Variants in AP3S1 observed in about 807,000 individuals in gnomAD.
AP3S1 encodes adaptor related protein complex 3 subunit sigma 1.
In AP3S1, 12 loss-of-function variants were observed where a neutral mutation model predicts 21.3. The observed-to-expected ratio is 0.56, with a 90% CI of 0.36 to 0.91. AP3S1 has a LOEUF of 0.91. AP3S1 is among the 40% of genes least tolerant of loss of function. The pLI is 0.01. For synonymous variants in AP3S1, 48 were observed against 78.4 expected, an observed-to-expected ratio of 0.61 and a Z score of 2.05; for missense variants, 116 against 225.0, an observed-to-expected ratio of 0.52 and a Z score of 3.10.
intron 1 of AP3S1, among the ~76,000 whole-genome samples, chr5:115,863,395 G>A (rs1016696674): frequency 4.8e-5 from 7 of 146,536 alleles, no homozygotes; most frequent in Non-Finnish European, 1.0e-4. Context: ...AAACTATCTC[G>A]AAAAAAAATA....
intron 3 of AP3S1, among the ~76,000 whole-genome samples, chr5:115,889,760 G>C (rs955972476): frequency 6.6e-6 from 1 of 152,060 alleles, no homozygotes; most frequent in African/African-American, 2.4e-5. Context: ...AGGATTGCTT[G>C]AGCCCAGGAG....
At chr5:115,844,121 T>C (rs1761881029) in intron 1 of AP3S1, among the ~76,000 whole-genome samples, 1 of 152,252 alleles carries the variant, frequency 6.6e-6, no homozygotes, top group Non-Finnish European at 1.5e-5. Flanking sequence ...TAATTTAAGA[T>C]TATTTATTTA....
chr5:115,843,562 C>T (rs1251202807), intron 1 of AP3S1, among the ~76,000 whole-genome samples: 1 of 152,162 alleles, frequency 6.6e-6, no homozygotes, highest in East Asian at 1.9e-4. Context: ...ATTAACTTTA[C>T]CTGTTTGTTA....
chr5:115,891,808 A>G (rs945173930), intron 3 of AP3S1, among the ~76,000 whole-genome samples: 2 of 152,198 alleles, frequency 1.3e-5, no homozygotes, highest in African/African-American at 4.8e-5. Flanking sequence ...GAAAGCAGCC[A>G]GGAGGGAGGC....
intron 1 of AP3S1, among the ~76,000 whole-genome samples, chr5:115,863,780 G>A (rs568172510): frequency 6.6e-5 from 10 of 152,242 alleles, no homozygotes; most frequent in South Asian, 2.1e-4. Context: ...TAAAGCATAA[G>A]GAAGGTAAAG....
At chr5:115,907,137 C>T in intron 5 of AP3S1, 1 of 346,074 alleles carries the variant, frequency 2.9e-6, no homozygotes, top group Non-Finnish European at 4.1e-6. Context: ...CACTTGTCAT[C>T]TAACTGACAA....
At chr5:115,842,142 G>A (rs1232313471) in intron 1 of AP3S1, 36 bp downstream of exon 1, 6 of 1,528,792 alleles carry the variant, frequency 3.9e-6, no homozygotes, top group Non-Finnish European at 4.4e-6. Context: ...GGGCGAGGGG[G>A]AGTCGTTGGC....
chr5:115,910,043 C>T (rs771878503), intron 5 of AP3S1, among the ~76,000 whole-genome samples: 1 of 152,122 alleles, frequency 6.6e-6, no homozygotes, highest in Admixed American at 6.5e-5. Context: ...GCAGAAGACT[C>T]ACTTGAGGCC....
chr5:115,901,635 C>T (rs1033771023), intron 4 of AP3S1, among the ~76,000 whole-genome samples: 1 of 151,454 alleles, frequency 6.6e-6, no homozygotes, highest in Admixed American at 6.6e-5. Context: ...GCTCACTGCA[C>T]CCTCCACTTC....
chr5:115,844,342 T>G (rs544436981), intron 1 of AP3S1, among the ~76,000 whole-genome samples: 12 of 152,124 alleles, frequency 7.9e-5, no homozygotes, highest in Non-Finnish European at 1.6e-4. Context: ...GCATGCCAGA[T>G]AGTATTACGT....
intron 3 of AP3S1, 108 bp from the exon 4 acceptor site, chr5:115,894,979 A>G: frequency 3.0e-6 from 2 of 666,024 alleles, no homozygotes; most frequent in Non-Finnish European, 4.9e-6. Context: ...TGAAAAAGAT[A>G]AATGTATAAT....
intron 4 of AP3S1, among the ~76,000 whole-genome samples, chr5:115,898,015 G>A (rs763583831): frequency 4.6e-5 from 7 of 152,090 alleles, no homozygotes; most frequent in East Asian, 1.9e-4. Context: ...CTGCAGTAGC[G>A]AACATGGAAA....
chr5:115,855,115 C>T (rs1227676127), intron 1 of AP3S1, among the ~76,000 whole-genome samples: 1 of 152,022 alleles, frequency 6.6e-6, no homozygotes, highest in East Asian at 1.9e-4. Flanking sequence ...CGGCTCACTG[C>T]AACCTCCACC....
chr5:115,908,431 T>G (rs1305236585), intron 5 of AP3S1, among the ~76,000 whole-genome samples: 2 of 152,166 alleles, frequency 1.3e-5, no homozygotes, highest in Non-Finnish European at 2.9e-5. Context: ...TGGTGGAAGG[T>G]CAGCTCATGA....
At chr5:115,886,185 T>C (rs1749764822) in intron 3 of AP3S1, among the ~76,000 whole-genome samples, 1 of 152,174 alleles carries the variant, frequency 6.6e-6, no homozygotes, top group South Asian at 2.1e-4. Flanking sequence ...AAGGCTCAAA[T>C]AAAATAATAT....
intron 1 of AP3S1, among the ~76,000 whole-genome samples, chr5:115,854,901 T>C (rs1226726897): frequency 1.3e-5 from 2 of 152,158 alleles, no homozygotes; most frequent in Non-Finnish European, 2.9e-5. Context: ...CCTCTTGACT[T>C]CTTACAGTAT....
chr5:115,870,959 A>G (rs1188759071), intron 3 of AP3S1, among the ~76,000 whole-genome samples: 1 of 152,216 alleles, frequency 6.6e-6, no homozygotes, highest in Non-Finnish European at 1.5e-5. Context: ...GAATTCTCTA[A>G]TTCCCAAAGG....
At chr5:115,895,600 A>C (rs1278247063) in intron 4 of AP3S1, among the ~76,000 whole-genome samples, 1 of 152,208 alleles carries the variant, frequency 6.6e-6, no homozygotes, top group Non-Finnish European at 1.5e-5. Context: ...CCTAGTTTAA[A>C]ACAACCATTA....
At chr5:115,848,149 A>G (rs1017157609) in intron 1 of AP3S1, among the ~76,000 whole-genome samples, 1 of 139,392 alleles carries the variant, frequency 7.2e-6, no homozygotes, top group African/African-American at 3.0e-5. Flanking sequence ...CCTATATTAT[A>G]TTCTTTAGCA....
Sources: allele counts gnomAD v4.1 joint callset (sites outside exome capture counted in the v4.1 genomes callset), GRCh38; gene constraint gnomAD v4.1.1; transcripts MANE v1.5; gene names NCBI Gene and HGNC (gene_info 2026-07-23, HGNC 2026-07-21).